DEFB115: variants seen among roughly 807,000 people sequenced by gnomAD.
The protein encoded by DEFB115 is defensin beta 115, also known as beta-defensin 115.
Under a neutral mutation model 8.8 loss-of-function variants are expected in DEFB115, and 7 were observed. The observed-to-expected ratio is 0.79, with a 90% CI of 0.45 to 1.49. The LOEUF (loss-of-function observed/expected upper bound fraction) is 1.49, where lower values mean the gene tolerates loss of function less well. DEFB115 is among the 40% of genes most tolerant of loss of function. The probability of loss-of-function intolerance (pLI) is 0.01; values close to 1 mark genes in which losing one functional copy is unlikely to be tolerated. For synonymous variants in DEFB115, 62 were observed against 37.6 expected (o/e 1.65, Z -2.37); for missense variants, 143 against 99.4 (o/e 1.44, Z -1.86).
chr20:31,257,719 C>A lies in DEFB115; in HGVS notation c.56C>A (p.Ala19Asp), dbSNP rs769167828. ...LSGDIKLSVLALVVLVVLAQT... is the reference protein window; with the variant it reads ...LSGDIKLSVLDLVVLVVLAQT... ...GGAGACATTAAACTCTCTGTCCTGGCCTTAGTTGTCCTTGTGGTCCTGGCT... is the reference window on the plus strand; with the variant it reads ...GGAGACATTAAACTCTCTGTCCTGGACTTAGTTGTCCTTGTGGTCCTGGCT... Residue 19 changes from alanine (A) to aspartate (D), a missense_variant, in exon 1 of 2, where the codon GCC becomes GAC. By Grantham distance (126) the Ala-to-Asp change is moderately radical. Transcript: ENST00000400552. 1.9e-6 allele frequency: 3 copies of A among 1,613,882 alleles called. No individual in the cohort carries two copies. Among genetic ancestry groups the A allele is most frequent in the Non-Finnish European group, 2.5e-6 (3 of 1,179,950 alleles).
intron 1 of DEFB115, among the ~76,000 whole-genome samples, chr20:31,258,496 G>A (rs1381079169): frequency 6.6e-6 from 1 of 152,152 alleles, no homozygotes; most frequent in Non-Finnish European, 1.5e-5. Flanking sequence ...TCCTCTCTTG[G>A]AGCAGCTATT....
At chr20:31,258,473 G>A (rs538512233) in intron 1 of DEFB115, among the ~76,000 whole-genome samples, 1 of 152,316 alleles carries the variant, frequency 6.6e-6, no homozygotes, top group Non-Finnish European at 1.5e-5. Context: ...GGTCGTTGCT[G>A]TTGGAAGTCA....
Position 31,259,494 on chromosome 20 carries a change from C to A in DEFB115, c.129C>A (p.Gly43=), listed in dbSNP as rs753007404. 6 of 1,612,194 alleles carry A rather than the reference C, an allele frequency of 3.7e-6. No homozygotes were observed. Among genetic ancestry groups the A allele is most frequent in the East Asian group, 2.2e-5 (1 of 44,806 alleles). Residue 43 remains glycine, a synonymous_variant, in exon 2 of 2, where the codon GGC becomes GGA. Transcript: ENST00000400552. ...TCAGAAGGTGCTATTATGGAACTGG[C>A]AGATGCAGGAAATCATGCAAAGAAA... ...GWIRRCYYGT[G]RCRKSCKEIE...
At chr20:31,259,262 T>G (rs1983838126) in intron 1 of DEFB115, among the ~76,000 whole-genome samples, 198 bp from the exon 2 acceptor site, 1 of 152,116 alleles carries the variant, frequency 6.6e-6, no homozygotes, top group South Asian at 2.1e-4. Flanking sequence ...GGAATAAAAT[T>G]CAATTAGAGC....
In DEFB115 at chr20:31,257,738, C is replaced by A. The variant is rs765265482; in HGVS notation, c.75C>A (p.Val25=). Reference sequence around the variant, plus strand: ...TCCTGGCCTTAGTTGTCCTTGTGGTCCTGGCTCAGACTGCCCCAGGTAAAC... The same window carrying A: ...TCCTGGCCTTAGTTGTCCTTGTGGTACTGGCTCAGACTGCCCCAGGTAAAC... ...LSVLALVVLV[V]LAQTAPDGWI... is the part of the protein sequence containing the mutation. The change falls in exon 1 of 2, where the codon GTC becomes GTA. Residue 25 remains valine, a synonymous_variant. Transcript: ENST00000400552. The A allele has an allele frequency of 5.0e-6, 8 of 1,613,834 alleles. No individual in the cohort carries two copies. The African/African-American group carries it at 5.3e-5, about 11-fold the overall frequency.
chr20:31,258,324 T>A (rs1042095114), intron 1 of DEFB115, among the ~76,000 whole-genome samples: 1 of 152,190 alleles, frequency 6.6e-6, no homozygotes, highest in Non-Finnish European at 1.5e-5. Flanking sequence ...GGCTTTCAAG[T>A]TGAACACGCT....
Position 31,257,721 on chromosome 20 carries a change from T to G in DEFB115, c.58T>G (p.Leu20Val). Residue 20 changes from leucine to valine, a missense_variant, in exon 1 of 2, where the codon TTA becomes GTA. Physicochemically the swap from Leu to Val is conservative, Grantham distance 32. Transcript: ENST00000400552. ...SGDIKLSVLA[L>V]VVLVVLAQTA... Reference sequence around the variant, plus strand: ...AGACATTAAACTCTCTGTCCTGGCCTTAGTTGTCCTTGTGGTCCTGGCTCA... The same window carrying G: ...AGACATTAAACTCTCTGTCCTGGCCGTAGTTGTCCTTGTGGTCCTGGCTCA... 1 of 1,613,990 alleles carries G rather than the reference T, an allele frequency of 6.2e-7. No homozygotes were observed. Among genetic ancestry groups the G allele is most frequent in the South Asian group, 1.1e-5 (1 of 91,078 alleles).
At position 31,257,787 on chromosome 20, in the gene DEFB115, G is replaced by T. The variant is rs1243253189; in HGVS notation, c.94+30G>T. Reference sequence around the variant, plus strand: ...ACAGAACCATGGAGAGAAGGGAAAAGGGAGTAAGGATGGGGTCCTAACCAC... The same window carrying T: ...ACAGAACCATGGAGAGAAGGGAAAATGGAGTAAGGATGGGGTCCTAACCAC... On this transcript the variant is annotated intron_variant, in intron 1 of 1. Coordinates refer to ENST00000400552, the MANE Select transcript of DEFB115 (RefSeq NM_001037730.1). 2.5e-6 allele frequency: 4 copies of T among 1,582,148 alleles called. No individual in the cohort carries two copies. The African/African-American group carries it at 4.0e-5, about 16-fold the overall frequency.
intron 1 of DEFB115, among the ~76,000 whole-genome samples, chr20:31,258,444 A>T (rs546656795): frequency 6.6e-6 from 1 of 152,312 alleles, no homozygotes; most frequent in East Asian, 1.9e-4. Context: ...GATGATTTTT[A>T]ATTCTGTGAT....
chr20:31,259,410 T>A (rs756882719), intron 1 of DEFB115, 50 bp from the exon 2 acceptor site: 4 of 1,490,486 alleles, frequency 2.7e-6, no homozygotes. Context: ...TTTAATTGTA[T>A]TTATTTTTCA....
chr20:31,258,733 AC>A (rs1983821232), intron 1 of DEFB115, among the ~76,000 whole-genome samples: 1 of 152,196 alleles, frequency 6.6e-6, no homozygotes, highest in Admixed American at 6.6e-5. Context: ...TTCAGCCTGA[AC>A]ATTCTGGTAA....
rs574978310 is a variant in DEFB115, at chr20:31,259,534, G to A, written c.169G>A (p.Glu57Lys). 27 of 1,612,656 alleles carry A rather than the reference G, an allele frequency of 1.7e-5. No homozygotes were observed. Among genetic ancestry groups the A allele is most frequent in the Non-Finnish European group, 2.1e-5 (25 of 1,179,378 alleles). ...KSCKEIERKK[E>K]KCGEKHICCV... ...ATGCAAAGAAATTGAGAGGAAGAAA[G>A]AAAAATGTGGGGAAAAACATATTTG... is the stretch of plus-strand genomic sequence containing the variant. Residue 57 changes from glutamate (E) to lysine (K), a missense_variant, in exon 2 of 2, where the codon GAA becomes AAA. Transcript: ENST00000400552.
At chr20:31,259,390 A>T in intron 1 of DEFB115, 70 bp from the exon 2 acceptor site, 2 of 1,425,242 alleles carry the variant, frequency 1.4e-6, no homozygotes. Flanking sequence ...ACTATTACCA[A>T]CATCCTTTCT....
chr20:31,257,781 G>T (rs1308133290), intron 1 of DEFB115, 24 bp downstream of exon 1: 17 of 1,588,510 alleles, frequency 1.1e-5, no homozygotes, highest in Non-Finnish European at 1.5e-5. Context: ...TGGAGAGAAG[G>T]GAAAAGGGAG....
chr20:31,258,011 G>A (rs1003956227), intron 1 of DEFB115, among the ~76,000 whole-genome samples: 2 of 152,172 alleles, frequency 1.3e-5, no homozygotes, highest in Admixed American at 1.3e-4. Context: ...CCTTCCATAT[G>A]CAGAAGCAAC....
At position 31,259,476 on chromosome 20, in the gene DEFB115, G is replaced by A. The variant is rs1407543234; in HGVS notation, c.111G>A (p.Arg37=). Residue 37 remains arginine (R), a synonymous_variant, in exon 2 of 2, where the codon AGG becomes AGA. Coordinates refer to ENST00000400552, the MANE Select transcript of DEFB115 (RefSeq NM_001037730.1). ...TTTTGATAGATGGATGGATCAGAAG[G>A]TGCTATTATGGAACTGGCAGATGCA... is the stretch of plus-strand genomic sequence containing the variant. The part of the protein sequence containing the change: ...AQTAPDGWIR[R]CYYGTGRCRK... The A allele has an allele frequency of 1.1e-5, 17 of 1,610,506 alleles. No homozygotes were observed. Among genetic ancestry groups the A allele is most frequent in the Non-Finnish European group, 1.4e-5 (17 of 1,178,720 alleles).
In DEFB115 at chr20:31,259,574, A is replaced by G. The variant is rs1201876095; in HGVS notation, c.209A>G (p.Glu70Gly). The change falls in exon 2 of 2, where the codon GAA (glutamate) becomes GGA (glycine). Residue 70 changes from glutamate to glycine, a missense_variant. Transcript: ENST00000400552. ...AAACATATTTGCTGTGTCCCTAAAG[A>G]AAAGGATAAACTATCACACATTCAC... ...GEKHICCVPK[E>G]KDKLSHIHDQ... 1 of 1,612,838 alleles carries G rather than the reference A, an allele frequency of 6.2e-7. No individual in the cohort carries two copies. The highest frequency in any genetic ancestry group is 1.1e-5 in the South Asian group (1 of 90,802).
intron 1 of DEFB115, among the ~76,000 whole-genome samples, chr20:31,258,078 G>A (rs1983801820): frequency 6.6e-6 from 1 of 152,138 alleles, no homozygotes; most frequent in South Asian, 2.1e-4. Flanking sequence ...GTCTCATCCT[G>A]TGAGTCTCTC....
At chr20:31,257,982 A>G (rs1983799835) in intron 1 of DEFB115, among the ~76,000 whole-genome samples, 1 of 152,208 alleles carries the variant, frequency 6.6e-6, no homozygotes, top group South Asian at 2.1e-4. Context: ...GCAGAGGCCA[A>G]GGTGTTTTAT....
Sources: gnomAD v4.1 joint callset for allele counts (sites outside exome capture counted in the v4.1 genomes callset) on GRCh38, gnomAD v4.1.1 for gene constraint, MANE v1.5 for transcripts, NCBI Gene and HGNC (gene_info 2026-07-23, HGNC 2026-07-21) for gene names.